The following CTIF variants were observed in gnomAD, a reference collection of about 807,000 sequenced individuals.
CTIF encodes CBP80/20-dependent translation initiation factor.
Under a neutral mutation model 66.0 loss-of-function variants are expected in CTIF, and 21 were observed. That is an observed-to-expected ratio of 0.32 (90% confidence interval 0.23 to 0.46). The LOEUF (loss-of-function observed/expected upper bound fraction) is 0.46, where lower values mean the gene tolerates loss of function less well. Ranked by LOEUF, CTIF falls within the 20% of genes least tolerant of loss-of-function variation. CTIF has a pLI of 1.00. For synonymous variants in CTIF, 345 were observed against 326.4 expected (o/e 1.06, Z -0.62); for missense variants, 739 against 812.7 (o/e 0.91, Z 1.10).
At chr18:48,663,397 A>G (rs887869995) in intron 3 of CTIF, among the ~76,000 whole-genome samples, 1 of 152,218 alleles carries the variant, frequency 6.6e-6, no homozygotes, top group East Asian at 1.9e-4. Context: ...CTGGCTCTGC[A>G]GAGCCCCTCC....
At chr18:48,617,496 G>A (rs1343287717) in intron 1 of CTIF, among the ~76,000 whole-genome samples, 1 of 152,224 alleles carries the variant, frequency 6.6e-6, no homozygotes, top group Admixed American at 6.5e-5. Context: ...GCCACACCTA[G>A]CATGTGCCCA....
chr18:48,621,708 A>G (rs2090496838), intron 2 of CTIF: 1 of 267,038 alleles, frequency 3.7e-6, no homozygotes, highest in African/African-American at 2.4e-5. Context: ...CTGAGCGGTG[A>G]AGGCAGAAGC....
At chr18:48,652,671 C>T (rs766032556) in intron 3 of CTIF, among the ~76,000 whole-genome samples, 14 of 151,982 alleles carry the variant, frequency 9.2e-5, no homozygotes, top group Non-Finnish European at 1.3e-4. Flanking sequence ...GGCAGAGACA[C>T]GACAAAAAAA....
At chr18:48,712,684 G>A (rs1165463426) in intron 7 of CTIF, among the ~76,000 whole-genome samples, 1 of 152,216 alleles carries the variant, frequency 6.6e-6, no homozygotes, top group Non-Finnish European at 1.5e-5. Context: ...AGAAACAGCC[G>A]GTGGACATGC....
At chr18:48,856,279 A>G (rs2069326404) in intron 10 of CTIF, among the ~76,000 whole-genome samples, 1 of 152,236 alleles carries the variant, frequency 6.6e-6, no homozygotes. Context: ...GAGGCTGTAG[A>G]GAAACCAGAA....
intron 7 of CTIF, among the ~76,000 whole-genome samples, chr18:48,730,426 C>CGGTGTGAGGG (rs2092436571): frequency 3.2e-5 from 4 of 124,350 alleles, no homozygotes; most frequent in South Asian, 2.7e-4. Context: ...GGGGCCCCTG[C>CGGTGTGAGGG]GCTGTGAGGG....
At chr18:48,614,864 G>T (rs530761697) in intron 1 of CTIF, among the ~76,000 whole-genome samples, 3 of 152,036 alleles carry the variant, frequency 2.0e-5, no homozygotes, top group Non-Finnish European at 4.4e-5. Context: ...GTTTGGTTTG[G>T]TTGGTTGGTT....
intron 1 of CTIF, among the ~76,000 whole-genome samples, chr18:48,615,315 T>C (rs375364033): frequency 3.9e-5 from 6 of 152,232 alleles, no homozygotes; most frequent in African/African-American, 1.4e-4. Flanking sequence ...CCATGCTCTC[T>C]CCCTCTCTCT....
intron 9 of CTIF, among the ~76,000 whole-genome samples, chr18:48,777,032 C>T (rs1172282219): frequency 6.6e-6 from 1 of 152,218 alleles, no homozygotes; most frequent in Non-Finnish European, 1.5e-5. Flanking sequence ...TATCCCAAAG[C>T]AGATGCGCTA....
At chr18:48,763,896 T>C (rs1218908708) in intron 9 of CTIF, among the ~76,000 whole-genome samples, 1 of 152,116 alleles carries the variant, frequency 6.6e-6, no homozygotes, top group Non-Finnish European at 1.5e-5. Context: ...TCACCCCATA[T>C]AGTGGCTCCA....
At chr18:48,809,428 T>C (rs2068217019) in intron 9 of CTIF, among the ~76,000 whole-genome samples, 1 of 152,152 alleles carries the variant, frequency 6.6e-6, no homozygotes, top group Non-Finnish European at 1.5e-5. Flanking sequence ...CATCCATGCC[T>C]TCCTGATAAA....
chr18:48,659,254 A>C (rs1156270723), intron 3 of CTIF, among the ~76,000 whole-genome samples: 1 of 152,114 alleles, frequency 6.6e-6, no homozygotes, highest in South Asian at 2.1e-4. Context: ...GTGTTGCCCT[A>C]TACCTACTTC....
intron 6 of CTIF, among the ~76,000 whole-genome samples, chr18:48,675,136 G>A (rs554357890): frequency 1.1e-5 from 1 of 91,092 alleles, no homozygotes; most frequent in African/African-American, 3.6e-5. Context: ...ATGGTTCTCA[G>A]TGTTGAAGCC....
chr18:48,775,072 C>T (rs898024077), intron 9 of CTIF, among the ~76,000 whole-genome samples: 1 of 152,200 alleles, frequency 6.6e-6, no homozygotes, highest in South Asian at 2.1e-4. Flanking sequence ...TAATGCCTTA[C>T]CACCTGTGGC....
intron 1 of CTIF, among the ~76,000 whole-genome samples, chr18:48,577,577 T>TTTTGTTTG (rs57169767): frequency 8.2e-4 from 124 of 152,040 alleles, no homozygotes; most frequent in African/African-American, 2.9e-3. Flanking sequence ...TTCTTGTTTC[T>TTTTGTTTG]TTTGTTTGTT....
chr18:48,565,595 G>A (rs1462944262), intron 1 of CTIF: 2 of 152,320 alleles, frequency 1.3e-5, no homozygotes, highest in African/African-American at 2.4e-5. Context: ...GAAACCAGGG[G>A]CAGGGCCTCT....
chr18:48,658,398 TGTG>T (rs1292476163), intron 3 of CTIF, among the ~76,000 whole-genome samples: 1 of 139,902 alleles, frequency 7.1e-6, no homozygotes, highest in East Asian at 2.3e-4. Flanking sequence ...CATGTATATA[TGTG>T]GTGTGTGCAC....
chr18:48,738,034 C>A (rs1281398880), intron 7 of CTIF, among the ~76,000 whole-genome samples: 2 of 152,194 alleles, frequency 1.3e-5, no homozygotes, highest in Non-Finnish European at 2.9e-5. Flanking sequence ...CAAAACCAAG[C>A]TTCCATCTGC....
intron 3 of CTIF, among the ~76,000 whole-genome samples, chr18:48,645,596 G>T (rs1245127339): frequency 6.6e-6 from 1 of 152,212 alleles, no homozygotes; most frequent in Non-Finnish European, 1.5e-5. Context: ...TGGTGAGAAG[G>T]CTCCTACCCA....
Sources: gnomAD v4.1 joint callset for allele counts (sites outside exome capture counted in the v4.1 genomes callset) on GRCh38, gnomAD v4.1.1 for gene constraint, MANE v1.5 for transcripts, NCBI Gene and HGNC (gene_info 2026-07-23, HGNC 2026-07-21) for gene names.